Variants in BAIAP2 observed in about 807,000 individuals in gnomAD.
BAIAP2 encodes BAR/IMD domain-containing adapter protein 2.
In BAIAP2, 18 loss-of-function variants were observed where a neutral mutation model predicts 63.0. The ratio of observed to expected loss-of-function variants is 0.29; its 90% CI spans 0.20 to 0.42. The LOEUF is 0.42. BAIAP2 is among the 10% of genes least tolerant of loss of function. The pLI is 1.00. For synonymous variants in BAIAP2, 386 were observed against 307.6 expected, an observed-to-expected ratio of 1.25 and a Z score of -2.67; for missense variants, 610 against 734.3, an observed-to-expected ratio of 0.83 and a Z score of 1.96.
intron 6 of BAIAP2, among the ~76,000 whole-genome samples, chr17:81,093,940 C>G (rs1024731018): frequency 3.3e-5 from 5 of 151,416 alleles, no homozygotes; most frequent in African/African-American, 4.9e-5. Flanking sequence ...CCCTCCCCCC[C>G]ACCACCCCCG....
chr17:81,115,783 C>T lies in BAIAP2; in HGVS notation c.1549C>T (p.His517Tyr), dbSNP rs2060490124. Residue 517 changes from histidine (H) to tyrosine (Y), a missense_variant, in exon 14 of 14, where the codon CAC becomes TAC. His to Tyr is a moderately conservative substitution (Grantham distance 83). Transcript: ENST00000428708. ...ARSMSRNPFA[H>Y]VQLKPTVTND... ...TTTCTCTTTCAGGAATCCCTTTGCC[C>T]ACGTCCAGCTGAAGCCGACAGTGAC... The T allele has an allele frequency of 3.7e-6, 6 of 1,613,554 alleles. No homozygotes were observed. The highest frequency in any genetic ancestry group is 5.1e-6 in the Non-Finnish European group (6 of 1,180,020).
At chr17:81,041,645 G>A (rs2047094233) in intron 1 of BAIAP2, among the ~76,000 whole-genome samples, 1 of 152,138 alleles carries the variant, frequency 6.6e-6, no homozygotes, top group South Asian at 2.1e-4. Flanking sequence ...CGTGATCTCG[G>A]CTCACTGCAA....
At chr17:81,065,595 C>G (rs965080220) in intron 3 of BAIAP2, among the ~76,000 whole-genome samples, 1 of 152,222 alleles carries the variant, frequency 6.6e-6, no homozygotes, top group Non-Finnish European at 1.5e-5. Flanking sequence ...GACTGCACTC[C>G]TGAGCACACC....
chr17:81,092,988 CGGG>C (rs1490056830), intron 6 of BAIAP2, among the ~76,000 whole-genome samples: 1 of 151,938 alleles, frequency 6.6e-6, no homozygotes, highest in Non-Finnish European at 1.5e-5. Context: ...GCCCACCGCT[CGGG>C]GGCAGGGAGC....
At chr17:81,070,447 C>T (rs1259746391) in intron 3 of BAIAP2, among the ~76,000 whole-genome samples, 6 of 152,226 alleles carry the variant, frequency 3.9e-5, no homozygotes, top group Admixed American at 6.5e-5. Flanking sequence ...GGAAAGAAAC[C>T]CCTCTGCCCC....
chr17:81,095,066 C>T (rs1020970739), intron 6 of BAIAP2, among the ~76,000 whole-genome samples: 1 of 152,240 alleles, frequency 6.6e-6, no homozygotes, highest in African/African-American at 2.4e-5. Context: ...CGGGGCTGTT[C>T]AGCCCAGGGT....
intron 3 of BAIAP2, among the ~76,000 whole-genome samples, chr17:81,073,530 C>T (rs895076886): frequency 6.6e-6 from 1 of 152,156 alleles, no homozygotes; most frequent in Non-Finnish European, 1.5e-5. Context: ...ATTTGGGATT[C>T]GGAGTCAAGC....
intron 4 of BAIAP2, 137 bp from the exon 5 acceptor site, chr17:81,085,517 A>C (rs746657324): frequency 2.7e-6 from 2 of 730,462 alleles, no homozygotes; most frequent in African/African-American, 3.5e-5. Context: ...ACAGCTCATC[A>C]GTCAGGGGGA....
intron 13 of BAIAP2, chr17:81,109,818 C>G: frequency 2.0e-6 from 2 of 985,438 alleles, no homozygotes; most frequent in Non-Finnish European, 2.4e-6. Context: ...ACCCCACCCC[C>G]ACATTCCTTT....
At chr17:81,115,650 C>T (rs2060470707) in intron 13 of BAIAP2, 120 bp from the exon 14 acceptor site, 3 of 1,194,518 alleles carry the variant, frequency 2.5e-6, no homozygotes, top group South Asian at 1.3e-5. Context: ...AGCTCTGTGC[C>T]CTGAGATCGG....
chr17:81,115,815 C>G lies in BAIAP2; in HGVS notation c.1581C>G (p.Asp527Glu). The change falls in exon 14 of 14, where the codon GAC (aspartate) becomes GAG (glutamate). Residue 527 changes from aspartate (D) to glutamate (E), a missense_variant. Physicochemically the swap from Asp to Glu is conservative, Grantham distance 45 (BLOSUM62 2). This residue lies in a region of BAIAP2 where 114 missense variants were observed against 98.2 expected (regional missense o/e 1.16). Coordinates refer to ENST00000428708, the MANE Select transcript of BAIAP2 (RefSeq NM_001144888.2). Reference sequence around the variant, plus strand: ...AGCTGAAGCCGACAGTGACCAACGACAGGTCTGCCCCCCTCCTCAGCTGAT... The same window carrying G: ...AGCTGAAGCCGACAGTGACCAACGAGAGGTCTGCCCCCCTCCTCAGCTGAT... ...HVQLKPTVTN[D>E]RSAPLLS The G allele has an allele frequency of 6.2e-7, 1 of 1,613,580 alleles. No individual in the cohort carries two copies. Among genetic ancestry groups the G allele is most frequent in the East Asian group, 2.2e-5 (1 of 44,892 alleles).
At position 81,108,459 on chromosome 17, in the gene BAIAP2, C is replaced by T; in HGVS notation, c.1501-16C>T. 2 of 1,613,706 alleles carry T rather than the reference C, an allele frequency of 1.2e-6. No homozygotes were observed. Among genetic ancestry groups the T allele is most frequent in the Admixed American group, 3.3e-5 (2 of 60,012 alleles). ...CCCCGTCACCCGGCCTGACATGTTT[C>T]TGCCTCTGCCCCCAGGGCCTGGATG... is the stretch of plus-strand genomic sequence containing the variant. On this transcript the variant is annotated splice_polypyrimidine_tract_variant and intron_variant, in intron 12 of 13. Coordinates refer to ENST00000428708, the MANE Select transcript of BAIAP2 (RefSeq NM_001144888.2).
At chr17:81,106,478 G>A (rs957924494) in intron 11 of BAIAP2, among the ~76,000 whole-genome samples, 5 of 152,168 alleles carry the variant, frequency 3.3e-5, no homozygotes, top group Non-Finnish European at 4.4e-5. Context: ...AGCTGAAAGC[G>A]GGGTACATGG....
intron 1 of BAIAP2, among the ~76,000 whole-genome samples, chr17:81,045,831 C>T (rs566878424): frequency 3.3e-5 from 5 of 152,260 alleles, no homozygotes; most frequent in African/African-American, 9.6e-5. Context: ...AGCCAGGCCA[C>T]GCCGAAGCTG....
At chr17:81,054,887 C>T (rs1191319495) in intron 2 of BAIAP2, among the ~76,000 whole-genome samples, 1 of 152,182 alleles carries the variant, frequency 6.6e-6, no homozygotes, top group Non-Finnish European at 1.5e-5. Flanking sequence ...GTTGGCCCCG[C>T]AGGTGCCCTT....
chr17:81,070,062 C>T (rs748206442), intron 3 of BAIAP2, among the ~76,000 whole-genome samples: 7 of 152,126 alleles, frequency 4.6e-5, no homozygotes, highest in African/African-American at 1.2e-4. Flanking sequence ...TGGGCTCAAG[C>T]GATCCTCCCA....
intron 13 of BAIAP2, 143 bp from the exon 14 acceptor site, chr17:81,115,627 T>G: frequency 1.0e-6 from 1 of 970,394 alleles, no homozygotes; most frequent in Non-Finnish European, 1.6e-6. Flanking sequence ...CAAAGCAGCG[T>G]ATATTGTCTG....
Position 81,046,193 on chromosome 17 carries a change from G to A in BAIAP2, c.55-7475G>A, listed in dbSNP as rs1598501527. 6.6e-6 allele frequency among the ~76,000 whole-genome samples: 1 copy of A among 152,192 alleles called. No individual in the cohort carries two copies. Among genetic ancestry groups the A allele is most frequent in the East Asian group, 1.9e-4 (1 of 5,184 alleles). On this transcript the variant is annotated intron_variant, in intron 1 of 13. Transcript: ENST00000428708. The surrounding 1 kb of genome is among the most constrained non-coding windows in gnomAD (Gnocchi z 4.5). ...TCCCCCTTGGGATCCCGTTCTGCAG[G>A]CTCCAGCCCACCTTCAGGCCCCCGT...
intron 6 of BAIAP2, among the ~76,000 whole-genome samples, chr17:81,088,159 C>A (rs1035646826): frequency 3.4e-4 from 51 of 152,224 alleles, no homozygotes; most frequent in African/African-American, 1.2e-3. Context: ...AGGGCCATAG[C>A]CGCCTCCGAG....
Sources: allele counts gnomAD v4.1 joint callset (sites outside exome capture counted in the v4.1 genomes callset), GRCh38; gene constraint gnomAD v4.1.1; regional missense constraint gnomAD v4.1.1; non-coding constraint Gnocchi (gnomAD v3.1); transcripts MANE v1.5; gene names NCBI Gene and HGNC (gene_info 2026-07-23, HGNC 2026-07-21).